Variants in COL22A1 observed in about 807,000 individuals in gnomAD.
The protein encoded by COL22A1 is collagen alpha-1(XXII) chain.
In COL22A1, 221 loss-of-function variants were observed where a neutral mutation model predicts 248.9. That is an observed-to-expected ratio of 0.89 (90% confidence interval 0.80 to 0.99). The LOEUF (loss-of-function observed/expected upper bound fraction) is 0.99, where lower values mean the gene tolerates loss of function less well. COL22A1 is among the 50% of genes least tolerant of loss of function. The pLI is 0.00. For synonymous variants in COL22A1, 891 were observed against 793.4 expected (o/e 1.12, Z -2.07); for missense variants, 2,240 against 2,179.0 (o/e 1.03, Z -0.56).
intron 47 of COL22A1, among the ~76,000 whole-genome samples, chr8:138,639,466 A>T (rs1328310939): frequency 6.6e-6 from 1 of 152,152 alleles, no homozygotes; most frequent in Non-Finnish European, 1.5e-5. Flanking sequence ...GATATATAAC[A>T]ATCAATGAAA....
chr8:138,782,448 G>A (rs1301985890), intron 12 of COL22A1, among the ~76,000 whole-genome samples: 2 of 152,190 alleles, frequency 1.3e-5, no homozygotes, highest in Non-Finnish European at 2.9e-5. Flanking sequence ...AAACTCCTGA[G>A]CTCAGGCAAT....
At chr8:138,679,753 G>C in intron 39 of COL22A1, 77 bp from the exon 40 acceptor site, 2 of 871,022 alleles carry the variant, frequency 2.3e-6, no homozygotes, top group Non-Finnish European at 1.6e-6. Flanking sequence ...CAGCCCCTCT[G>C]TTAGGTACTG....
At chr8:138,767,047 G>A (rs1445514489) in intron 16 of COL22A1, among the ~76,000 whole-genome samples, 2 of 152,216 alleles carry the variant, frequency 1.3e-5, no homozygotes, top group African/African-American at 2.4e-5. Flanking sequence ...GCTCTCCCAC[G>A]CTCCAGCTGT....
intron 37 of COL22A1, among the ~76,000 whole-genome samples, chr8:138,688,656 T>A (rs1176135075): frequency 1.3e-5 from 2 of 152,178 alleles, no homozygotes; most frequent in African/African-American, 4.8e-5. Context: ...GCTTATTTGC[T>A]ATGAGACACA....
At chr8:138,744,395 T>A (rs1586632232) in intron 22 of COL22A1, among the ~76,000 whole-genome samples, 2 of 151,850 alleles carry the variant, frequency 1.3e-5, no homozygotes, top group South Asian at 4.2e-4. Flanking sequence ...GTATTGAGGG[T>A]CCTAGATCTA....
chr8:138,826,887 T>A (rs1229037489), intron 5 of COL22A1, 106 bp from the exon 6 acceptor site: 6 of 1,353,950 alleles, frequency 4.4e-6, no homozygotes, highest in Non-Finnish European at 6.1e-6. Flanking sequence ...CAATTTGACT[T>A]CCTAAATATT....
chr8:138,902,739 T>TATACACACACACACAC (rs763466994), intron 1 of COL22A1, among the ~76,000 whole-genome samples: 7 of 93,872 alleles, frequency 7.5e-5, no homozygotes, highest in African/African-American at 3.2e-4. Flanking sequence ...TATATATATA[T>TATACACACACACACAC]ACACACACAC....
intron 3 of COL22A1, among the ~76,000 whole-genome samples, chr8:138,870,896 G>A (rs993673850): frequency 7.2e-5 from 11 of 151,754 alleles, no homozygotes; most frequent in African/African-American, 2.7e-4. Context: ...CTTCTATCTA[G>A]GGTGTGTGAT....
At chr8:138,858,231 T>C (rs1357337857) in intron 3 of COL22A1, among the ~76,000 whole-genome samples, 7 of 152,188 alleles carry the variant, frequency 4.6e-5, no homozygotes, top group African/African-American at 7.2e-5. Context: ...AAACTCTCAG[T>C]ATCTGCTCTT....
At chr8:138,725,262 G>T (rs565510687) in intron 24 of COL22A1, 125 bp downstream of exon 24, 155 of 982,152 alleles carry the variant, frequency 1.6e-4, no homozygotes, top group Non-Finnish European at 2.3e-4. Context: ...GTCCTCCTGT[G>T]TGTGTTTTTG....
chr8:138,617,205 C>T (rs988993747), intron 53 of COL22A1, among the ~76,000 whole-genome samples: 5 of 152,198 alleles, frequency 3.3e-5, no homozygotes, highest in Admixed American at 2.0e-4. Flanking sequence ...ACAAATGCCT[C>T]AGAGTGTTGG....
chr8:138,613,899 G>A lies in COL22A1; in HGVS notation c.3946C>T (p.Pro1316Ser). Residue 1316 changes from proline to serine, a missense_variant, in exon 56 of 65, where the codon CCA (proline) becomes TCA (serine). Pro to Ser is a moderately conservative substitution (Grantham distance 74). Transcript: ENST00000303045. ...CCCCTTGGTCCTTGGGGACCCTGTG[G>A]CCCAGTGGGTCCAGTGTCACCCTGG... The part of the protein sequence containing the change: ...GKDGDTGPTG[P>S]QGPQGPRGPP... The A allele has an allele frequency of 6.2e-7, 1 of 1,613,758 alleles. No homozygotes were observed. The highest frequency in any genetic ancestry group is 1.1e-5 in the South Asian group (1 of 91,076).
intron 4 of COL22A1, among the ~76,000 whole-genome samples, chr8:138,842,517 C>T (rs899926218): frequency 6.6e-6 from 1 of 152,194 alleles, no homozygotes; most frequent in African/African-American, 2.4e-5. Flanking sequence ...GACACATTCA[C>T]ACTCCAGTGG....
At chr8:138,663,180 C>G (rs1389484543) in intron 42 of COL22A1, among the ~76,000 whole-genome samples, 1 of 152,192 alleles carries the variant, frequency 6.6e-6, no homozygotes, top group African/African-American at 2.4e-5. Flanking sequence ...CGCATTTTCC[C>G]AGTAAATGCA....
intron 37 of COL22A1, among the ~76,000 whole-genome samples, chr8:138,687,970 C>A (rs1209722479): frequency 6.6e-6 from 1 of 152,176 alleles, no homozygotes; most frequent in East Asian, 1.9e-4. Flanking sequence ...TCACTTTTGT[C>A]ACCCTAGCTT....
rs561563858 is a variant in COL22A1, at chr8:138,868,183, T to C, written c.658+9567A>G. Among the ~76,000 whole-genome samples, 40 of 152,240 alleles carry C rather than the reference T, an allele frequency of 2.6e-4. 1 individual carries two copies. The highest frequency in any genetic ancestry group is 5.9e-5 in the Non-Finnish European group (4 of 68,050). ...AGTCCACCCACCAAAGATGATGTTA[T>C]GCAGTCATGGCCTCCGAGGAAGAGA... On this transcript the variant is annotated intron_variant, in intron 3 of 64. Coordinates refer to ENST00000303045, the MANE Select transcript of COL22A1 (RefSeq NM_152888.3).
intron 23 of COL22A1, among the ~76,000 whole-genome samples, chr8:138,729,000 G>A (rs557156117): frequency 3.9e-5 from 6 of 152,148 alleles, no homozygotes; most frequent in East Asian, 1.9e-4. Flanking sequence ...AGCACAACCC[G>A]GGAGAGAGAA....
At chr8:138,636,686 G>A in intron 48 of COL22A1, 56 bp downstream of exon 48, 1 of 1,293,954 alleles carries the variant, frequency 7.7e-7, no homozygotes, top group East Asian at 2.3e-5. Flanking sequence ...AAGCCACCTG[G>A]GAGAAACAGT....
chr8:138,887,667 TTTTA>T (rs1485863444), intron 1 of COL22A1, among the ~76,000 whole-genome samples: 2 of 152,230 alleles, frequency 1.3e-5, no homozygotes. Context: ...TAGTAGGTCA[TTTTA>T]TTTATTTAAT....
Sources: gnomAD v4.1 joint callset for allele counts (sites outside exome capture counted in the v4.1 genomes callset) on GRCh38, gnomAD v4.1.1 for gene constraint, MANE v1.5 for transcripts, NCBI Gene and HGNC (gene_info 2026-07-23, HGNC 2026-07-21) for gene names.